LPAR1: variants seen among roughly 807,000 people sequenced by gnomAD.
The protein encoded by LPAR1 is lysophosphatidic acid receptor 1, also known as LPA receptor 1.
LPAR1 carries 5 observed loss-of-function variants against 23.8 expected under a neutral mutation model. That is an observed-to-expected ratio of 0.21 (90% CI 0.11 to 0.44). The LOEUF (loss-of-function observed/expected upper bound fraction) is 0.44, where lower values mean the gene tolerates loss of function less well. Ranked by LOEUF, LPAR1 falls within the 20% of genes least tolerant of loss-of-function variation. The pLI is 0.99. For synonymous variants in LPAR1, 160 were observed against 164.7 expected, an observed-to-expected ratio of 0.97 and a Z score of 0.22; for missense variants, 311 against 482.8, an observed-to-expected ratio of 0.64 and a Z score of 3.33.
intron 5 of LPAR1, among the ~76,000 whole-genome samples, chr9:110,888,394 C>T (rs1163284168): frequency 6.6e-6 from 1 of 152,074 alleles, no homozygotes; most frequent in Admixed American, 6.5e-5. Flanking sequence ...CTCCAAACTT[C>T]GACAGTTGTT....
chr9:111,009,723 G>A (rs1284002177), intron 2 of LPAR1, among the ~76,000 whole-genome samples: 1 of 151,406 alleles, frequency 6.6e-6, no homozygotes, highest in Non-Finnish European at 1.5e-5. Context: ...AGTATATGAA[G>A]GGACATATAC....
chr9:110,885,224 T>C (rs1286339403), intron 5 of LPAR1, among the ~76,000 whole-genome samples: 1 of 152,244 alleles, frequency 6.6e-6, no homozygotes, highest in African/African-American at 2.4e-5. Flanking sequence ...TGTTTCCATG[T>C]AAGATGTTGC....
At chr9:111,026,100 T>G (rs954635884) in intron 2 of LPAR1, among the ~76,000 whole-genome samples, 1 of 152,190 alleles carries the variant, frequency 6.6e-6, no homozygotes, top group Non-Finnish European at 1.5e-5. Context: ...TAGCATTGAA[T>G]CTATAAACTA....
intron 5 of LPAR1, among the ~76,000 whole-genome samples, chr9:110,900,307 C>T (rs2088308354): frequency 1.3e-5 from 2 of 152,162 alleles, no homozygotes; most frequent in South Asian, 4.1e-4. Flanking sequence ...AATGATCCAG[C>T]ATAAAACCTC....
At chr9:110,974,853 T>G (rs2096520114) in intron 2 of LPAR1, among the ~76,000 whole-genome samples, 1 of 152,130 alleles carries the variant, frequency 6.6e-6, no homozygotes. Flanking sequence ...CCCAAGAAAA[T>G]TACAGGAACC....
chr9:110,920,852 G>A (rs889046116), intron 5 of LPAR1, among the ~76,000 whole-genome samples: 1 of 152,218 alleles, frequency 6.6e-6, no homozygotes, highest in Admixed American at 6.5e-5. Flanking sequence ...GCCAGGCACA[G>A]TGGCCCATGC....
At chr9:110,892,412 T>C (rs2084520174) in intron 5 of LPAR1, among the ~76,000 whole-genome samples, 1 of 152,106 alleles carries the variant, frequency 6.6e-6, no homozygotes, top group Admixed American at 6.5e-5. Flanking sequence ...ATGCCTATAA[T>C]CCAAGCACTT....
chr9:110,918,988 G>A (rs563479687), intron 5 of LPAR1, among the ~76,000 whole-genome samples: 2 of 152,080 alleles, frequency 1.3e-5, no homozygotes, highest in East Asian at 1.9e-4. Flanking sequence ...CCTTCCCCTG[G>A]TGTGTGAGCA....
chr9:110,986,274 G>A (rs976264082), intron 2 of LPAR1, among the ~76,000 whole-genome samples: 12 of 152,120 alleles, frequency 7.9e-5, no homozygotes, highest in African/African-American at 1.9e-4. Flanking sequence ...AAGCTGGGGT[G>A]TTTTCAGTCC....
chr9:110,927,555 A>G (rs908954084), intron 5 of LPAR1, among the ~76,000 whole-genome samples: 2 of 152,158 alleles, frequency 1.3e-5, no homozygotes, highest in African/African-American at 4.8e-5. Context: ...TGACCTAGGA[A>G]AAGTTAAGAA....
intron 4 of LPAR1, among the ~76,000 whole-genome samples, chr9:110,959,599 C>G (rs2095881754): frequency 6.6e-6 from 1 of 151,878 alleles, no homozygotes. Flanking sequence ...GCCTGGGTGA[C>G]AGAGTGAGAA....
rs137887684 is a variant in LPAR1, at chr9:110,883,224, T to G, written c.794-7502A>C. ...CTAATTTTTGTATTTTTAGTAGAGT[T>G]GGGCTTTCACCATGTTGGCCAGGCT... On this transcript the variant is annotated intron_variant, in intron 5 of 5. Coordinates refer to ENST00000683809, the MANE Select transcript of LPAR1 (RefSeq NM_001351411.2). Among the ~76,000 whole-genome samples the G allele has an allele frequency of 2.8e-3, 429 of 152,204 alleles. 5 individuals carry two copies. Among genetic ancestry groups the G allele is most frequent in the East Asian group, 0.026 (136 of 5,164 alleles).
intron 5 of LPAR1, among the ~76,000 whole-genome samples, chr9:110,903,678 T>G (rs1202561024): frequency 6.6e-6 from 1 of 151,940 alleles, no homozygotes; most frequent in Non-Finnish European, 1.5e-5. Context: ...ATGTTCAAGA[T>G]TCACATCATC....
intron 2 of LPAR1, among the ~76,000 whole-genome samples, chr9:111,027,266 G>A (rs919969234): frequency 6.6e-6 from 1 of 152,064 alleles, no homozygotes; most frequent in African/African-American, 2.4e-5. Context: ...CAACAGTTTG[G>A]GAAGTCAAGG....
intron 5 of LPAR1, among the ~76,000 whole-genome samples, chr9:110,916,159 A>C (rs554359794): frequency 7.2e-5 from 11 of 152,356 alleles, no homozygotes; most frequent in Non-Finnish European, 2.9e-5. Flanking sequence ...TATAATTGGC[A>C]CTGTGCTAAT....
intron 5 of LPAR1, among the ~76,000 whole-genome samples, chr9:110,894,038 A>C (rs1399125835): frequency 1.3e-5 from 2 of 152,240 alleles, no homozygotes; most frequent in East Asian, 3.8e-4. Flanking sequence ...CTTCATTAAA[A>C]ATGTTTTTAA....
At chr9:110,985,423 T>C (rs975631325) in intron 2 of LPAR1, among the ~76,000 whole-genome samples, 4 of 85,626 alleles carry the variant, frequency 4.7e-5, no homozygotes, top group African/African-American at 1.2e-4. Flanking sequence ...TAAAAGTCTA[T>C]CATTTTTTCT....
In LPAR1 at chr9:110,874,366, T is replaced by C. The variant is rs1158965154; in HGVS notation, c.*1055A>G. 1.3e-5 allele frequency: 2 copies of C among 152,652 alleles called. No individual in the cohort carries two copies. The highest frequency in any genetic ancestry group is 2.9e-5 in the Non-Finnish European group (2 of 68,042). 9.5% of individuals were successfully genotyped at this position (152,652 alleles called of 1,614,324 possible). A position where few individuals can be genotyped will look rare whatever the true frequency, so the allele number is the denominator to read the frequency against. On this transcript the variant is annotated 3_prime_UTR_variant, in exon 6 of 6. Coordinates refer to ENST00000683809, the MANE Select transcript of LPAR1 (RefSeq NM_001351411.2). ...CAATTTTGCAATGAAAAAGATCTAC[T>C]TATAAAACTGTTTACAGTATGACTC...
chr9:111,007,081 T>G (rs536603150), intron 2 of LPAR1, among the ~76,000 whole-genome samples: 5 of 152,222 alleles, frequency 3.3e-5, no homozygotes, highest in African/African-American at 1.2e-4. Flanking sequence ...CAGTGGTGCT[T>G]GTTTGCTCCT....
Sources: allele counts gnomAD v4.1 joint callset (sites outside exome capture counted in the v4.1 genomes callset), GRCh38; gene constraint gnomAD v4.1.1; transcripts MANE v1.5; gene names NCBI Gene and HGNC (gene_info 2026-07-23, HGNC 2026-07-21).